The following SDK1 variants were observed in gnomAD, a reference collection of about 807,000 sequenced individuals.
The protein encoded by SDK1 is sidekick cell adhesion molecule 1.
SDK1 carries 157 observed loss-of-function variants against 245.5 expected under a neutral mutation model. That is an observed-to-expected ratio of 0.64 (90% confidence interval 0.56 to 0.73). SDK1 has a LOEUF of 0.73. Among genes scored for constraint, SDK1 ranks in the 30% least tolerant of loss-of-function variants. The pLI is 0.00. For synonymous variants in SDK1, 1,647 were observed against 1,278.5 expected, an observed-to-expected ratio of 1.29 and a Z score of -6.15; for missense variants, 3,583 against 3,002.3, an observed-to-expected ratio of 1.19 and a Z score of -4.52.
intron 4 of SDK1, among the ~76,000 whole-genome samples, chr7:3,659,643 A>G (rs1754163832): frequency 6.6e-6 from 1 of 152,160 alleles, no homozygotes; most frequent in South Asian, 2.1e-4. Flanking sequence ...CTCCACGTGT[A>G]GTGGGGTGGA....
rs139515856 is a variant in SDK1 at position 3,530,214 on chromosome 7, C to G, written c.299-88866C>G. Among the ~76,000 whole-genome samples the G allele has an allele frequency of 2.6e-4, 39 of 152,188 alleles. 1 individual carries two copies. In the East Asian group the frequency reaches 6.0e-3, roughly 23 times the overall value. ...TTGCACACATTTTAAAATAAAGATA[C>G]AATAAACCATAGAGCCTTAGAAACG... On this transcript the variant is annotated intron_variant, in intron 1 of 44. Coordinates refer to ENST00000404826, the MANE Select transcript of SDK1 (RefSeq NM_152744.4).
chr7:3,519,196 A>G (rs1782848208), intron 1 of SDK1, among the ~76,000 whole-genome samples: 1 of 152,122 alleles, frequency 6.6e-6, no homozygotes, highest in Non-Finnish European at 1.5e-5. Context: ...CTCCAGCTAG[A>G]TAGGAAGAAT....
At chr7:4,035,908 T>C (rs888448429) in intron 17 of SDK1, among the ~76,000 whole-genome samples, 1 of 152,152 alleles carries the variant, frequency 6.6e-6, no homozygotes, top group Non-Finnish European at 1.5e-5. Flanking sequence ...ATAATAATAA[T>C]AATAACTGCA....
intron 4 of SDK1, chr7:3,642,955 T>C (rs1184169144): frequency 6.6e-6 from 1 of 152,274 alleles, no homozygotes. Context: ...TGTTGTGCTT[T>C]TTCAAAAAGA....
chr7:3,386,473 G>C (rs1253724544), intron 1 of SDK1, among the ~76,000 whole-genome samples: 1 of 152,178 alleles, frequency 6.6e-6, no homozygotes, highest in African/African-American at 2.4e-5. Context: ...ATTTTGTTTA[G>C]AGTTAACAGA....
intron 4 of SDK1, among the ~76,000 whole-genome samples, chr7:3,679,024 T>C (rs887074127): frequency 6.6e-6 from 1 of 152,212 alleles, no homozygotes; most frequent in African/African-American, 2.4e-5. Context: ...GGAGGAAATC[T>C]TCAGAGCCTA....
chr7:3,470,394 C>T (rs1335920336), intron 1 of SDK1, among the ~76,000 whole-genome samples: 2 of 151,982 alleles, frequency 1.3e-5, no homozygotes, highest in African/African-American at 2.4e-5. Context: ...TCATGAACAC[C>T]CTCAGTTTTA....
chr7:4,030,244 C>G (rs17134196), intron 17 of SDK1, among the ~76,000 whole-genome samples: 1 of 152,096 alleles, frequency 6.6e-6, no homozygotes, highest in African/African-American at 2.4e-5. Context: ...TTCCTCCTAT[C>G]ATAGTCAAGT....
Position 3,984,849 on chromosome 7 carries a change from A to G in SDK1, c.1995-2337A>G, listed in dbSNP as rs77218238. 6.9e-3 allele frequency among the ~76,000 whole-genome samples: 1,044 copies of G among 152,328 alleles called. 13 individuals are homozygous for G. The highest frequency in any genetic ancestry group is 0.024 in the African/African-American group (990 of 41,566). On this transcript the variant is annotated intron_variant, in intron 13 of 44. Coordinates refer to ENST00000404826, the MANE Select transcript of SDK1 (RefSeq NM_152744.4). ...GTCCCAGAACCAATGTCAAAAAGACATCCCAGAAATTGTGAACATAAGCTC... is the reference window on the plus strand; with the variant it reads ...GTCCCAGAACCAATGTCAAAAAGACGTCCCAGAAATTGTGAACATAAGCTC...
intron 9 of SDK1, among the ~76,000 whole-genome samples, chr7:3,966,132 G>A (rs979695158): frequency 1.3e-5 from 2 of 152,056 alleles, no homozygotes; most frequent in African/African-American, 4.8e-5. Flanking sequence ...CAGAAGTGTT[G>A]AGACCTGTTA....
intron 4 of SDK1, among the ~76,000 whole-genome samples, chr7:3,764,967 A>G (rs1408768417): frequency 1.3e-5 from 2 of 152,128 alleles, no homozygotes; most frequent in African/African-American, 4.8e-5. Context: ...TGTAAGGTTT[A>G]TTGTCATTTT....
At chr7:3,657,989 G>A (rs994035939) in intron 4 of SDK1, among the ~76,000 whole-genome samples, 2 of 152,190 alleles carry the variant, frequency 1.3e-5, no homozygotes, top group Non-Finnish European at 2.9e-5. Flanking sequence ...CTGCCCATGA[G>A]GGTGGTGAAA....
chr7:3,774,629 C>T (rs908464424), intron 4 of SDK1, among the ~76,000 whole-genome samples: 1 of 152,176 alleles, frequency 6.6e-6, no homozygotes, highest in Admixed American at 6.5e-5. Flanking sequence ...CAGATTCTGC[C>T]AGTGCAATTG....
chr7:3,317,964 A>G (rs554228380), intron 1 of SDK1, among the ~76,000 whole-genome samples: 3 of 152,134 alleles, frequency 2.0e-5, no homozygotes, highest in Non-Finnish European at 4.4e-5. Context: ...TGTAGTAGTG[A>G]AAGTCTCTAC....
chr7:4,065,705 T>G (rs1200606391), intron 19 of SDK1, among the ~76,000 whole-genome samples: 21 of 81,468 alleles, frequency 2.6e-4, no homozygotes, highest in African/African-American at 1.6e-3. Context: ...TTTTTTTTTT[T>G]TTTTTTTTTT....
At chr7:4,222,612 A>G (rs1254631306) in intron 40 of SDK1, among the ~76,000 whole-genome samples, 2 of 152,200 alleles carry the variant, frequency 1.3e-5, no homozygotes, top group African/African-American at 4.8e-5. Context: ...AGAAACTTCT[A>G]AGGAGAAACC....
At chr7:3,380,030 A>G (rs369031567) in intron 1 of SDK1, among the ~76,000 whole-genome samples, 1 of 152,230 alleles carries the variant, frequency 6.6e-6, no homozygotes, top group Non-Finnish European at 1.5e-5. Context: ...CAATATACCA[A>G]TACCAAAAAC....
chr7:3,805,603 T>C (rs1779222019), intron 4 of SDK1, among the ~76,000 whole-genome samples: 1 of 152,222 alleles, frequency 6.6e-6, no homozygotes. Context: ...GTGGAGACTG[T>C]AGACTGTAGA....
At chr7:3,782,999 A>G (rs1424335624) in intron 4 of SDK1, among the ~76,000 whole-genome samples, 1 of 152,198 alleles carries the variant, frequency 6.6e-6, no homozygotes, top group Non-Finnish European at 1.5e-5. Flanking sequence ...TGAATTCAAC[A>G]ACACATTAAA....
Sources: allele counts gnomAD v4.1 joint callset (sites outside exome capture counted in the v4.1 genomes callset), GRCh38; gene constraint gnomAD v4.1.1; transcripts MANE v1.5; gene names NCBI Gene and HGNC (gene_info 2026-07-23, HGNC 2026-07-21).